The following ASIC2 variants were observed in gnomAD, a reference collection of about 807,000 sequenced individuals.
ASIC2 encodes acid-sensing ion channel 2.
In ASIC2, 25 loss-of-function variants were observed where a neutral mutation model predicts 57.3. The observed-to-expected ratio is 0.44, with a 90% confidence interval of 0.32 to 0.61. ASIC2 has a LOEUF of 0.61. ASIC2 is among the 20% of genes least tolerant of loss of function. ASIC2 has a pLI of 0.06. For missense variants in ASIC2, 641 were observed against 738.1 expected (o/e 0.87, Z 1.52); for synonymous variants, 319 against 307.5 (o/e 1.04, Z -0.39).
At chr17:33,956,639 T>TC (rs1272911596) in intron 1 of ASIC2, among the ~76,000 whole-genome samples, 2 of 152,080 alleles carry the variant, frequency 1.3e-5, no homozygotes, top group African/African-American at 4.8e-5. Context: ...AGGAGGCTGG[T>TC]CCCCCACTGT....
chr17:33,226,552 A>C (rs1340430140), intron 1 of ASIC2, among the ~76,000 whole-genome samples: 2 of 151,622 alleles, frequency 1.3e-5, no homozygotes, highest in Non-Finnish European at 2.9e-5. Context: ...CCTCTTCTTG[A>C]CCCCCCAGTC....
chr17:33,094,988 A>C (rs754843987), intron 2 of ASIC2, among the ~76,000 whole-genome samples: 3 of 152,214 alleles, frequency 2.0e-5, no homozygotes, highest in Non-Finnish European at 4.4e-5. Context: ...CAAGTTATTT[A>C]ATCTCTTGGA....
At chr17:33,666,614 G>A (rs1907482018) in intron 1 of ASIC2, among the ~76,000 whole-genome samples, 1 of 152,188 alleles carries the variant, frequency 6.6e-6, no homozygotes, top group Non-Finnish European at 1.5e-5. Flanking sequence ...CCGCTGGGTT[G>A]TGAGAGCTGC....
intron 1 of ASIC2, among the ~76,000 whole-genome samples, chr17:33,594,774 G>T (rs769010622): frequency 4.0e-5 from 6 of 150,434 alleles, no homozygotes; most frequent in Non-Finnish European, 8.8e-5. Flanking sequence ...CTTGCAGTGA[G>T]CCTAGATCGC....
chr17:33,591,454 AC>A (rs10708522), intron 1 of ASIC2, among the ~76,000 whole-genome samples: 44,611 of 151,968 alleles, frequency 0.29, 7,119 homozygotes, highest in African/African-American at 0.41. Context: ...TTGGCTTCTG[AC>A]CTTTTCTCAG....
chr17:33,908,030 G>A (rs2141957366), intron 1 of ASIC2, among the ~76,000 whole-genome samples: 1 of 152,226 alleles, frequency 6.6e-6, no homozygotes, highest in South Asian at 2.1e-4. Context: ...AGCATTCACT[G>A]AGCACTTGGT....
intron 1 of ASIC2, among the ~76,000 whole-genome samples, chr17:33,402,248 A>G (rs568196431): frequency 6.6e-6 from 1 of 152,234 alleles, no homozygotes; most frequent in East Asian, 1.9e-4. Flanking sequence ...GTCTTGCCTT[A>G]TCCTGGATAA....
chr17:33,036,199 T>C (rs1217644508), intron 3 of ASIC2, among the ~76,000 whole-genome samples: 1 of 152,178 alleles, frequency 6.6e-6, no homozygotes, highest in Non-Finnish European at 1.5e-5. Context: ...GCAGGGCTCT[T>C]TTTTTAGGTA....
intron 1 of ASIC2, among the ~76,000 whole-genome samples, chr17:34,116,966 AGTGTGTAGCATGTAGTATGT>A (rs1911443636): frequency 6.6e-6 from 1 of 152,130 alleles, no homozygotes; most frequent in Admixed American, 6.6e-5. Context: ...AAGTATGTGT[AGTGTGTAGCATGTAGTATGT>A]GTGTGGTGCA....
At chr17:33,197,169 T>C (rs1371926560) in intron 1 of ASIC2, among the ~76,000 whole-genome samples, 1 of 152,222 alleles carries the variant, frequency 6.6e-6, no homozygotes, top group East Asian at 1.9e-4. Flanking sequence ...ATTGCCTAGC[T>C]CTTTCCCTGC....
intron 1 of ASIC2, among the ~76,000 whole-genome samples, chr17:33,906,221 C>T (rs552049172): frequency 9.2e-5 from 14 of 152,114 alleles, no homozygotes; most frequent in African/African-American, 2.2e-4. Flanking sequence ...TGGTCTTCTC[C>T]GGGTCTCAGT....
chr17:33,096,344 C>T (rs1026711629), intron 2 of ASIC2, among the ~76,000 whole-genome samples: 3 of 152,192 alleles, frequency 2.0e-5, no homozygotes, highest in African/African-American at 4.8e-5. Flanking sequence ...CATGTGCCAC[C>T]GGCCTTGGAC....
intron 1 of ASIC2, among the ~76,000 whole-genome samples, chr17:33,169,433 T>C (rs1228338606): frequency 6.6e-6 from 1 of 152,240 alleles, no homozygotes; most frequent in Non-Finnish European, 1.5e-5. Flanking sequence ...AAAATTCATT[T>C]AGATGAGACT....
intron 1 of ASIC2, among the ~76,000 whole-genome samples, chr17:34,089,159 G>A (rs544443271): frequency 6.6e-6 from 1 of 152,178 alleles, no homozygotes; most frequent in Non-Finnish European, 1.5e-5. Context: ...GACTGGAGCT[G>A]TTCCTATTCC....
At chr17:33,416,701 T>A (rs1338823779) in intron 1 of ASIC2, among the ~76,000 whole-genome samples, 1 of 152,212 alleles carries the variant, frequency 6.6e-6, no homozygotes, top group African/African-American at 2.4e-5. Context: ...CTGAGTTTAT[T>A]TTGCCATTTG....
intron 1 of ASIC2, among the ~76,000 whole-genome samples, chr17:34,024,142 A>G (rs745897568): frequency 3.9e-5 from 6 of 152,216 alleles, no homozygotes; most frequent in Non-Finnish European, 7.3e-5. Context: ...GACTCAGTGT[A>G]TGAAGAGCTG....
rs544023512 is a variant in ASIC2, at chr17:33,490,386, T to G, written c.556-378319A>C. 7.9e-5 allele frequency among the ~76,000 whole-genome samples: 12 copies of G among 152,370 alleles called. No individual in the cohort carries two copies. In the East Asian group the frequency reaches 2.3e-3, roughly 29 times the overall value. ...CACTTTCCATGTGGTCAGATAAATT[T>G]GTTGGTGTGGCTGGATAACTGCAAT... is the stretch of plus-strand genomic sequence containing the variant. On this transcript the variant is annotated intron_variant, in intron 1 of 9. Coordinates refer to the ASIC2 transcript ENST00000359872.
chr17:33,989,615 A>G (rs1395497200), intron 1 of ASIC2, among the ~76,000 whole-genome samples: 2 of 152,134 alleles, frequency 1.3e-5, no homozygotes, highest in East Asian at 3.9e-4. Context: ...TTGACTCAGC[A>G]GTGAAATCAA....
chr17:33,707,608 T>C (rs1908901469), intron 1 of ASIC2, among the ~76,000 whole-genome samples: 1 of 152,246 alleles, frequency 6.6e-6, no homozygotes, highest in Non-Finnish European at 1.5e-5. Flanking sequence ...ATTTTTTACC[T>C]CTGTGAGAAT....
Sources: gnomAD v4.1 joint callset for allele counts (sites outside exome capture counted in the v4.1 genomes callset) on GRCh38, gnomAD v4.1.1 for gene constraint, MANE v1.5 for transcripts, NCBI Gene and HGNC (gene_info 2026-07-23, HGNC 2026-07-21) for gene names.